PRKCI: variants seen among roughly 807,000 people sequenced by gnomAD.
PRKCI encodes protein kinase C iota type.
In PRKCI, 43 loss-of-function variants were observed where a neutral mutation model predicts 84.0. That is an observed-to-expected ratio of 0.51 (90% CI 0.40 to 0.66). PRKCI has a LOEUF of 0.66. Ranked by LOEUF, PRKCI falls within the 30% of genes least tolerant of loss-of-function variation. The probability of loss-of-function intolerance (pLI) is 0.00; values close to 1 mark genes in which losing one functional copy is unlikely to be tolerated. For synonymous variants in PRKCI, 216 were observed against 234.4 expected (o/e 0.92, Z 0.72); for missense variants, 459 against 745.6 (o/e 0.62, Z 4.48).
At chr3:170,247,357 TAAACCACTG>T (rs1313237907) in intron 2 of PRKCI, among the ~76,000 whole-genome samples, 1 of 151,422 alleles carries the variant, frequency 6.6e-6, no homozygotes, top group East Asian at 2.0e-4. Flanking sequence ...CAGCTAGCCT[TAAACCACTG>T]TTTAATCCAG....
intron 1 of PRKCI, 47 bp downstream of exon 1, chr3:170,222,817 T>A: frequency 1.0e-6 from 1 of 956,066 alleles, no homozygotes; most frequent in Non-Finnish European, 1.5e-6. Context: ...ACAGGCCGGC[T>A]CCACTCGGCC....
chr3:170,255,099 TG>T (rs1733550953), intron 2 of PRKCI, among the ~76,000 whole-genome samples: 1 of 145,584 alleles, frequency 6.9e-6, no homozygotes. Context: ...TCACTTTTGT[TG>T]CCCAGGCTGG....
chr3:170,253,998 G>A (rs1379002051), intron 2 of PRKCI, among the ~76,000 whole-genome samples: 11 of 151,060 alleles, frequency 7.3e-5, no homozygotes, highest in Non-Finnish European at 1.2e-4. Flanking sequence ...TTGGGAGGCC[G>A]AGGCAGTAGA....
intron 6 of PRKCI, among the ~76,000 whole-genome samples, chr3:170,272,558 A>G (rs1042147567): frequency 6.6e-6 from 1 of 152,190 alleles, no homozygotes; most frequent in Non-Finnish European, 1.5e-5. Context: ...TTGGTGACAT[A>G]TGGAAGGAAA....
chr3:170,296,884 T>C (rs1327394390), intron 15 of PRKCI, among the ~76,000 whole-genome samples: 1 of 152,194 alleles, frequency 6.6e-6, no homozygotes, highest in African/African-American at 2.4e-5. Context: ...ATCATTGTCT[T>C]ACACAGGTGG....
intron 14 of PRKCI, among the ~76,000 whole-genome samples, chr3:170,294,586 GACACA>G (rs1734649335): frequency 6.6e-6 from 1 of 152,176 alleles, no homozygotes; most frequent in African/African-American, 2.4e-5. Context: ...AATGAAAACT[GACACA>G]ACAGCTTTAA....
intron 1 of PRKCI, among the ~76,000 whole-genome samples, chr3:170,229,028 C>T (rs1014429886): frequency 6.6e-6 from 1 of 152,020 alleles, no homozygotes; most frequent in Non-Finnish European, 1.5e-5. Context: ...CAGTTCCATC[C>T]ATGCTGGTGT....
chr3:170,233,614 G>A (rs908717431), intron 1 of PRKCI, among the ~76,000 whole-genome samples: 1 of 152,190 alleles, frequency 6.6e-6, no homozygotes, highest in African/African-American at 2.4e-5. Flanking sequence ...ATTACTGAGA[G>A]CTAAGTGTTT....
chr3:170,235,839 G>A (rs906460330), intron 2 of PRKCI, among the ~76,000 whole-genome samples: 6 of 151,784 alleles, frequency 4.0e-5, no homozygotes, highest in Non-Finnish European at 7.4e-5. Flanking sequence ...TGCTGGCATT[G>A]CAGGCGTGAG....
chr3:170,250,576 A>G (rs944065276), intron 2 of PRKCI, among the ~76,000 whole-genome samples: 9 of 151,868 alleles, frequency 5.9e-5, no homozygotes, highest in African/African-American at 1.7e-4. Context: ...GACATTTCCT[A>G]TACAGTGTCA....
chr3:170,285,101 A>G (rs559193607), intron 12 of PRKCI, among the ~76,000 whole-genome samples: 225 of 140,666 alleles, frequency 1.6e-3, no homozygotes, highest in African/African-American at 5.9e-3. Flanking sequence ...TTTTTTTGAG[A>G]CAGGGTCTTG....
intron 6 of PRKCI, among the ~76,000 whole-genome samples, chr3:170,272,463 G>A (rs927770618): frequency 6.6e-6 from 1 of 152,036 alleles, no homozygotes; most frequent in Non-Finnish European, 1.5e-5. Context: ...GTAGTAAAGG[G>A]GAAAATCCAA....
chr3:170,282,489 G>A (rs1734271880), intron 11 of PRKCI, among the ~76,000 whole-genome samples: 1 of 150,842 alleles, frequency 6.6e-6, no homozygotes, highest in Admixed American at 6.6e-5. Flanking sequence ...CTGAGGTCAG[G>A]AGTTTGAGAC....
intron 7 of PRKCI, among the ~76,000 whole-genome samples, chr3:170,273,920 TC>T (rs1172408927): frequency 2.0e-5 from 3 of 151,464 alleles, no homozygotes; most frequent in African/African-American, 7.3e-5. Flanking sequence ...TCCCTTGAGC[TC>T]AGGAGTTCAA....
intron 3 of PRKCI, among the ~76,000 whole-genome samples, chr3:170,262,155 T>A (rs1056975514): frequency 1.3e-5 from 2 of 152,222 alleles, no homozygotes; most frequent in Non-Finnish European, 2.9e-5. Flanking sequence ...TATTCTACCT[T>A]GTTATAAAAA....
intron 2 of PRKCI, among the ~76,000 whole-genome samples, chr3:170,242,057 C>T (rs970813029): frequency 8.5e-5 from 13 of 152,240 alleles, no homozygotes; most frequent in Admixed American, 5.2e-4. Context: ...TGCGGTGAGC[C>T]GAGATCGTGC....
intron 17 of PRKCI, among the ~76,000 whole-genome samples, chr3:170,301,689 C>T (rs893443057): frequency 1.3e-5 from 2 of 152,032 alleles, no homozygotes; most frequent in Admixed American, 6.6e-5. Context: ...TTTCTCTTCC[C>T]GTTGACACAC....
intron 6 of PRKCI, among the ~76,000 whole-genome samples, 157 bp from the exon 7 acceptor site, chr3:170,273,129 T>C (rs532300533): frequency 6.6e-6 from 1 of 152,350 alleles, no homozygotes; most frequent in African/African-American, 2.4e-5. Context: ...ACAGCAGTAT[T>C]GTATAGTTTC....
chr3:170,293,159 GT>G (rs558859854), intron 13 of PRKCI, among the ~76,000 whole-genome samples: 1,987 of 150,928 alleles, frequency 0.013, 46 homozygotes, highest in African/African-American at 0.046. Context: ...GAGAAAGAAA[GT>G]TTTTTTTTCT....
Sources: gnomAD v4.1 joint callset for allele counts (sites outside exome capture counted in the v4.1 genomes callset) on GRCh38, gnomAD v4.1.1 for gene constraint, MANE v1.5 for transcripts, NCBI Gene and HGNC (gene_info 2026-07-23, HGNC 2026-07-21) for gene names.